OSBPL6: variants seen among roughly 807,000 people sequenced by gnomAD.
OSBPL6 encodes the protein oxysterol-binding protein-related protein 6.
Under a neutral mutation model 125.8 loss-of-function variants are expected in OSBPL6, and 49 were observed. The ratio of observed to expected loss-of-function variants is 0.39; its 90% CI spans 0.31 to 0.49. The LOEUF is 0.49. OSBPL6 is among the 20% of genes least tolerant of loss of function. The probability of loss-of-function intolerance (pLI) is 0.88; values close to 1 mark genes in which losing one functional copy is unlikely to be tolerated. For synonymous variants in OSBPL6, 394 were observed against 391.8 expected, an observed-to-expected ratio of 1.01 and a Z score of -0.07; for missense variants, 986 against 1,135.4, an observed-to-expected ratio of 0.87 and a Z score of 1.89.
intron 1 of OSBPL6, among the ~76,000 whole-genome samples, chr2:178,248,185 C>G (rs1302751973): frequency 6.6e-6 from 1 of 152,148 alleles, no homozygotes; most frequent in African/African-American, 2.4e-5. Flanking sequence ...AGACCATATT[C>G]TTTTTTGTAT....
intron 18 of OSBPL6, 60 bp downstream of exon 18, chr2:178,384,236 A>G: frequency 6.4e-7 from 1 of 1,565,312 alleles, no homozygotes; most frequent in Non-Finnish European, 8.7e-7. Flanking sequence ...TCGGTGATGA[A>G]AGCACCATTT....
At chr2:178,239,820 G>T (rs947409391) in intron 1 of OSBPL6, among the ~76,000 whole-genome samples, 3 of 151,346 alleles carry the variant, frequency 2.0e-5, no homozygotes, top group East Asian at 1.9e-4. Flanking sequence ...GTAGAGATGG[G>T]GTTTCACTGT....
chr2:178,396,605 A>T lies in OSBPL6; in HGVS notation c.*1046A>T, dbSNP rs1038004271. On this transcript the variant is annotated 3_prime_UTR_variant, in exon 25 of 25. Coordinates refer to ENST00000190611, the MANE Select transcript of OSBPL6 (RefSeq NM_032523.4). ...TCAATCCCATGCCCGCTCCACTGAC[A>T]CTAGTCGAATTCCACTGAGAACAGA... 2.0e-5 allele frequency: 3 copies of T among 152,262 alleles called. No homozygotes were observed. Among genetic ancestry groups the T allele is most frequent in the Admixed American group, 2.0e-4 (3 of 15,288 alleles). 9.4% of individuals were successfully genotyped at this position (152,262 alleles called of 1,614,324 possible).
intron 22 of OSBPL6, among the ~76,000 whole-genome samples, chr2:178,392,003 G>A (rs531727550): frequency 6.6e-6 from 1 of 152,236 alleles, no homozygotes; most frequent in Admixed American, 6.5e-5. Context: ...TTAAAAAGTG[G>A]CAAAAAATAT....
At position 178,311,751 on chromosome 2, in the gene OSBPL6, T is replaced by C. The variant is rs1055032256; in HGVS notation, c.102+5465T>C. Among the ~76,000 whole-genome samples, 5 of 152,072 alleles carry C rather than the reference T, an allele frequency of 3.3e-5. 1 individual carries two copies. The Middle Eastern group carries it at 9.5e-3, about 289-fold the overall frequency. On this transcript the variant is annotated intron_variant, in intron 3 of 24. Coordinates refer to ENST00000190611, the MANE Select transcript of OSBPL6 (RefSeq NM_032523.4). ...GTTCCAAGTCCCACAAGAGTGGATT[T>C]TGAGAGTAAATGAAGGATAGCCCAA...
intron 2 of OSBPL6, among the ~76,000 whole-genome samples, chr2:178,304,429 A>G (rs1686574144): frequency 6.6e-6 from 1 of 152,198 alleles, no homozygotes; most frequent in Non-Finnish European, 1.5e-5. Flanking sequence ...AGCCCCTTAC[A>G]AAACCATCAG....
At chr2:178,220,814 T>C (rs1255957712) in intron 1 of OSBPL6, among the ~76,000 whole-genome samples, 1 of 152,216 alleles carries the variant, frequency 6.6e-6, no homozygotes, top group Non-Finnish European at 1.5e-5. Flanking sequence ...CCTCTGTTGC[T>C]GACATCAGGT....
At chr2:178,248,079 G>C (rs1233813588) in intron 1 of OSBPL6, among the ~76,000 whole-genome samples, 1 of 152,170 alleles carries the variant, frequency 6.6e-6, no homozygotes, top group Non-Finnish European at 1.5e-5. Context: ...TACAAGGAAA[G>C]TTATATTCTC....
intron 8 of OSBPL6, 113 bp from the exon 9 acceptor site, chr2:178,336,188 G>C: frequency 7.5e-7 from 1 of 1,326,404 alleles, no homozygotes; most frequent in South Asian, 1.4e-5. Flanking sequence ...TCCATGTTTT[G>C]AGTGTGCATT....
chr2:178,367,424 T>C lies in OSBPL6; in HGVS notation c.1288-4702T>C, dbSNP rs770571726. ...GAACCAGTTTTATTTTTATCTAAAA[T>C]GTTTAAATTTATGATGATTTCATCT... On this transcript the variant is annotated intron_variant, in intron 13 of 24. Coordinates refer to ENST00000190611, the MANE Select transcript of OSBPL6 (RefSeq NM_032523.4). Among the ~76,000 whole-genome samples the C allele has an allele frequency of 2.0e-5, 3 of 152,244 alleles. No individual in the cohort carries two copies. In the East Asian group the frequency reaches 5.8e-4, roughly 29 times the overall value.
chr2:178,267,974 G>C (rs984534941), intron 1 of OSBPL6, among the ~76,000 whole-genome samples: 1 of 152,202 alleles, frequency 6.6e-6, no homozygotes, highest in Non-Finnish European at 1.5e-5. Context: ...ATAGTGGTAG[G>C]TGTTGAGTAA....
At position 178,349,323 on chromosome 2, in the gene OSBPL6, G is replaced by C; in HGVS notation, c.1087G>C (p.Asp363His). 2 of 1,614,146 alleles carry C rather than the reference G, an allele frequency of 1.2e-6. No homozygotes were observed. The highest frequency in any genetic ancestry group is 1.7e-6 in the Non-Finnish European group (2 of 1,180,030). Residue 363 changes from aspartate (D) to histidine (H), a missense_variant, in exon 12 of 25, where the codon GAC becomes CAC. Asp to His is a moderately conservative substitution (Grantham distance 81). This residue lies in a region of OSBPL6 where 843 missense variants were observed against 997.3 expected (regional missense o/e 0.85). Transcript: ENST00000190611. ...EFQTPPSHLTDPLESSTDYTK... is the reference protein window; with the variant it reads ...EFQTPPSHLTHPLESSTDYTK... ...TCAGACTCCCCCTAGCCACCTCACT[G>C]ACCCTCTGGAAAGTTCAACAGATTA... is the stretch of plus-strand genomic sequence containing the variant.
At chr2:178,231,130 A>G (rs1366962690) in intron 1 of OSBPL6, among the ~76,000 whole-genome samples, 2 of 152,096 alleles carry the variant, frequency 1.3e-5, no homozygotes, top group African/African-American at 4.8e-5. Context: ...CAAAAATGGG[A>G]AAAAGGCTGG....
At chr2:178,258,298 G>A (rs542817322) in intron 1 of OSBPL6, among the ~76,000 whole-genome samples, 42 of 152,024 alleles carry the variant, frequency 2.8e-4, no homozygotes, top group African/African-American at 1.0e-3. Flanking sequence ...AAGGAGTTTT[G>A]CCATGTTGGC....
At chr2:178,219,060 A>G (rs2090226444) in intron 1 of OSBPL6, among the ~76,000 whole-genome samples, 1 of 151,722 alleles carries the variant, frequency 6.6e-6, no homozygotes, top group African/African-American at 2.4e-5. Flanking sequence ...CTTTGACTCG[A>G]TTCCCTTTTT....
chr2:178,241,667 C>T (rs1237934206), intron 1 of OSBPL6, among the ~76,000 whole-genome samples: 5 of 152,270 alleles, frequency 3.3e-5, no homozygotes, highest in Middle Eastern at 3.4e-3. Flanking sequence ...TCGCCAACCT[C>T]GGCCTCCCAA....
chr2:178,254,217 C>T (rs201345596), intron 1 of OSBPL6, among the ~76,000 whole-genome samples: 10 of 152,158 alleles, frequency 6.6e-5, no homozygotes, highest in East Asian at 5.8e-4. Flanking sequence ...CATAATGAAA[C>T]GCCGTTTCTA....
At chr2:178,223,553 T>G (rs774340571) in intron 1 of OSBPL6, among the ~76,000 whole-genome samples, 8 of 152,234 alleles carry the variant, frequency 5.3e-5, no homozygotes, top group Non-Finnish European at 8.8e-5. Flanking sequence ...TTGTAAAAAG[T>G]AAAAGGATAT....
At chr2:178,353,899 C>G (rs1245051533) in intron 12 of OSBPL6, among the ~76,000 whole-genome samples, 1 of 152,218 alleles carries the variant, frequency 6.6e-6, no homozygotes, top group Non-Finnish European at 1.5e-5. Context: ...GATCTCTCAG[C>G]AGAAAGCCTA....
Sources: allele counts gnomAD v4.1 joint callset (sites outside exome capture counted in the v4.1 genomes callset), GRCh38; gene constraint gnomAD v4.1.1; regional missense constraint gnomAD v4.1.1; transcripts MANE v1.5; gene names NCBI Gene and HGNC (gene_info 2026-07-23, HGNC 2026-07-21).